Variants in EPS15 observed in about 807,000 individuals in gnomAD.
The protein encoded by EPS15 is epidermal growth factor receptor pathway substrate 15, also known as epidermal growth factor receptor substrate 15.
In EPS15, 72 loss-of-function variants were observed where a neutral mutation model predicts 113.8. That is an observed-to-expected ratio of 0.63 (90% CI 0.52 to 0.77). The LOEUF is 0.77. EPS15 is among the 30% of genes least tolerant of loss of function. EPS15 has a pLI of 0.00. For synonymous variants in EPS15, 344 were observed against 363.4 expected (o/e 0.95, Z 0.61); for missense variants, 1,048 against 1,045.8 (o/e 1.00, Z -0.03).
chr1:51,483,864 G>A (rs1424746658), intron 1 of EPS15, among the ~76,000 whole-genome samples: 1 of 151,942 alleles, frequency 6.6e-6, no homozygotes. Flanking sequence ...CCCAGGAGGG[G>A]ATTTGGGAAG....
chr1:51,410,897 C>G (rs1028164952), intron 13 of EPS15, among the ~76,000 whole-genome samples: 1 of 152,128 alleles, frequency 6.6e-6, no homozygotes, highest in Non-Finnish European at 1.5e-5. Context: ...TTTAAATATA[C>G]TAACTTATTT....
chr1:51,402,652 C>CAT, intron 17 of EPS15, 127 bp from the exon 18 acceptor site: 1 of 513,590 alleles, frequency 1.9e-6, no homozygotes, highest in South Asian at 2.8e-5. Flanking sequence ...GGGCCAGGCA[C>CAT]GGTGGCTCAC....
rs530324798 is a variant in EPS15 at position 51,501,267 on chromosome 1, G to T, written c.33+17932C>A. Among the ~76,000 whole-genome samples, 200 of 151,554 alleles carry T rather than the reference G, an allele frequency of 1.3e-3. 2 individuals carry two copies. Among genetic ancestry groups the T allele is most frequent in the African/African-American group, 4.4e-3 (184 of 41,370 alleles). ...ACTAAAAATACAAAAAATTAGCCAG[G>T]CATGGTGGCAGGCCCCTGTAATCCC... On this transcript the variant is annotated intron_variant, in intron 1 of 24. Transcript: ENST00000371733.
chr1:51,429,917 C>G (rs917886611), intron 12 of EPS15, among the ~76,000 whole-genome samples: 1 of 152,148 alleles, frequency 6.6e-6, no homozygotes, highest in Non-Finnish European at 1.5e-5. Context: ...TCCCAAAGTG[C>G]TGGGATTACA....
At chr1:51,466,458 C>G (rs1417950564) in intron 5 of EPS15, among the ~76,000 whole-genome samples, 1 of 151,074 alleles carries the variant, frequency 6.6e-6, no homozygotes, top group African/African-American at 2.4e-5. Flanking sequence ...ACCATCTCTA[C>G]CACCAAAAAA....
chr1:51,444,523 T>C (rs995524711), intron 11 of EPS15, among the ~76,000 whole-genome samples: 2 of 152,214 alleles, frequency 1.3e-5, no homozygotes, highest in African/African-American at 4.8e-5. Flanking sequence ...TCTGTATCAT[T>C]TTATGTAAGA....
intron 1 of EPS15, among the ~76,000 whole-genome samples, chr1:51,506,517 G>A (rs555077174): frequency 2.0e-5 from 3 of 151,880 alleles, no homozygotes; most frequent in East Asian, 3.9e-4. Flanking sequence ...GGGTTTTTTT[G>A]GTGAATTTTA....
At chr1:51,487,612 A>T (rs1285285895) in intron 1 of EPS15, among the ~76,000 whole-genome samples, 3 of 152,212 alleles carry the variant, frequency 2.0e-5, no homozygotes, top group African/African-American at 7.2e-5. Flanking sequence ...TAAAAAGTTA[A>T]TTTTAATTGG....
chr1:51,386,168 C>T (rs941785000), intron 21 of EPS15, among the ~76,000 whole-genome samples: 2 of 152,110 alleles, frequency 1.3e-5, no homozygotes, highest in African/African-American at 4.8e-5. Flanking sequence ...CAATAACATA[C>T]GCCCAGGCAT....
chr1:51,423,440 TTC>T, intron 12 of EPS15: 1 of 985,426 alleles, frequency 1.0e-6, no homozygotes, highest in South Asian at 4.7e-5. Flanking sequence ...CTTGGAAATT[TTC>T]TTTCCTCCTT....
chr1:51,481,496 A>G (rs1193930484), intron 1 of EPS15, among the ~76,000 whole-genome samples, 182 bp from the exon 2 acceptor site: 1 of 152,202 alleles, frequency 6.6e-6, no homozygotes, highest in African/African-American at 2.4e-5. Context: ...AGATAGTCAC[A>G]TGGGTTACTA....
intron 2 of EPS15, among the ~76,000 whole-genome samples, chr1:51,478,391 G>C (rs1570392437): frequency 6.6e-6 from 1 of 152,014 alleles, no homozygotes; most frequent in South Asian, 2.1e-4. Flanking sequence ...CACACTGATG[G>C]GTCTTGCCTC....
intron 12 of EPS15, chr1:51,423,111 C>T (rs1650917966): frequency 1.1e-6 from 1 of 902,756 alleles, no homozygotes; most frequent in African/African-American, 1.7e-5. Flanking sequence ...TACGTAGGCA[C>T]AATGTTCTTA....
chr1:51,474,211 G>C (rs990777435), intron 2 of EPS15, among the ~76,000 whole-genome samples: 1 of 152,200 alleles, frequency 6.6e-6, no homozygotes, highest in Non-Finnish European at 1.5e-5. Context: ...TAAAGGCTCT[G>C]CCATAGGCAA....
chr1:51,432,155 C>T (rs1330813687), intron 12 of EPS15, among the ~76,000 whole-genome samples: 1 of 152,140 alleles, frequency 6.6e-6, no homozygotes, highest in Non-Finnish European at 1.5e-5. Context: ...TTTCCAAAGA[C>T]AGACTATAAT....
At chr1:51,469,612 C>T (rs1215042873) in intron 4 of EPS15, among the ~76,000 whole-genome samples, 8 of 152,222 alleles carry the variant, frequency 5.3e-5, no homozygotes, top group Non-Finnish European at 1.5e-5. Flanking sequence ...CCCTTCACTA[C>T]TTCTCTGAAA....
intron 8 of EPS15, among the ~76,000 whole-genome samples, chr1:51,455,936 AT>A (rs1382328547): frequency 1.3e-5 from 2 of 151,846 alleles, no homozygotes; most frequent in Non-Finnish European, 2.9e-5. Flanking sequence ...ACTTTTACAA[AT>A]TTACTTTTAA....
chr1:51,508,558 G>A (rs1644564719), intron 1 of EPS15, among the ~76,000 whole-genome samples: 1 of 152,146 alleles, frequency 6.6e-6, no homozygotes. Context: ...AAATGGCAGA[G>A]CTACAATTCA....
Position 51,370,675 on chromosome 1 carries a change from C to T in EPS15, c.2120-4646G>A, listed in dbSNP as rs1646626104. Among the ~76,000 whole-genome samples, 3 of 151,362 alleles carry T rather than the reference C, an allele frequency of 2.0e-5. No individual in the cohort carries two copies. In the South Asian group the frequency reaches 6.3e-4, roughly 32 times the overall value. On this transcript the variant is annotated intron_variant, in intron 21 of 24. Coordinates refer to ENST00000371733, the MANE Select transcript of EPS15 (RefSeq NM_001981.3). Reference sequence around the variant, plus strand: ...TCACTCTGTAGCCCAGGCTGGAGTGCAGTGGCATAACCTCAGCTCACCGAA... The same window carrying T: ...TCACTCTGTAGCCCAGGCTGGAGTGTAGTGGCATAACCTCAGCTCACCGAA...
Sources: gnomAD v4.1 joint callset for allele counts (sites outside exome capture counted in the v4.1 genomes callset) on GRCh38, gnomAD v4.1.1 for gene constraint, MANE v1.5 for transcripts, NCBI Gene and HGNC (gene_info 2026-07-23, HGNC 2026-07-21) for gene names.